Variants in SPATA16 observed in about 807,000 individuals in gnomAD.
The protein encoded by SPATA16 is spermatogenesis-associated protein 16.
In SPATA16, 36 loss-of-function variants were observed where a neutral mutation model predicts 63.3. The observed-to-expected ratio is 0.57, with a 90% CI of 0.44 to 0.75. The LOEUF (loss-of-function observed/expected upper bound fraction) is 0.75, where lower values mean the gene tolerates loss of function less well. Among genes scored for constraint, SPATA16 ranks in the 30% least tolerant of loss-of-function variants. The probability of loss-of-function intolerance (pLI) is 0.00; values close to 1 mark genes in which losing one functional copy is unlikely to be tolerated. For synonymous variants in SPATA16, 203 were observed against 216.7 expected (o/e 0.94, Z 0.56); for missense variants, 646 against 679.3 (o/e 0.95, Z 0.54).
intron 3 of SPATA16, among the ~76,000 whole-genome samples, chr3:173,036,547 A>AATGTTAC (rs1312613341): frequency 9.9e-5 from 15 of 152,096 alleles, no homozygotes; most frequent in Non-Finnish European, 1.5e-4. Context: ...AATGGCTTTT[A>AATGTTAC]ATGTTACAGA....
intron 3 of SPATA16, among the ~76,000 whole-genome samples, chr3:173,034,249 TCAAATAG>T (rs1196557200): frequency 6.6e-6 from 1 of 152,138 alleles, no homozygotes; most frequent in Non-Finnish European, 1.5e-5. Flanking sequence ...TATGCTGCCT[TCAAATAG>T]CAAATTACAC....
intron 2 of SPATA16, among the ~76,000 whole-genome samples, chr3:173,064,106 G>A (rs1315089434): frequency 6.6e-6 from 1 of 152,108 alleles, no homozygotes; most frequent in Non-Finnish European, 1.5e-5. Flanking sequence ...AGGAGTTTTA[G>A]ACCAGCTTGG....
At chr3:172,934,567 T>G (rs1732938695) in intron 6 of SPATA16, among the ~76,000 whole-genome samples, 1 of 152,196 alleles carries the variant, frequency 6.6e-6, no homozygotes, top group South Asian at 2.1e-4. Context: ...AGACTTTCTT[T>G]CTTGCTTTTT....
chr3:172,938,470 C>T (rs571646040), intron 6 of SPATA16, among the ~76,000 whole-genome samples: 3 of 152,184 alleles, frequency 2.0e-5, no homozygotes, highest in African/African-American at 7.2e-5. Flanking sequence ...CTTAATACAG[C>T]ACTATACAAG....
At chr3:172,912,109 TA>T (rs751021699) in intron 10 of SPATA16, among the ~76,000 whole-genome samples, 1 of 152,242 alleles carries the variant, frequency 6.6e-6, no homozygotes, top group Non-Finnish European at 1.5e-5. Context: ...CATGCTTTTT[TA>T]AAAAACACTT....
At chr3:172,965,439 G>A (rs892556847) in intron 5 of SPATA16, among the ~76,000 whole-genome samples, 2 of 152,122 alleles carry the variant, frequency 1.3e-5, no homozygotes, top group African/African-American at 4.8e-5. Flanking sequence ...CATCTTGGAA[G>A]CTCGTAGCTC....
chr3:172,904,058 T>C (rs1030180578), intron 10 of SPATA16, among the ~76,000 whole-genome samples: 2 of 152,220 alleles, frequency 1.3e-5, no homozygotes, highest in Non-Finnish European at 2.9e-5. Context: ...AATTAAACCC[T>C]GTCACTACAA....
chr3:172,982,928 G>T (rs898508530), intron 4 of SPATA16, among the ~76,000 whole-genome samples: 2 of 151,098 alleles, frequency 1.3e-5, no homozygotes, highest in Non-Finnish European at 2.9e-5. Context: ...ATAAGATATG[G>T]GTAAACAAAA....
intron 4 of SPATA16, among the ~76,000 whole-genome samples, chr3:173,010,067 C>T (rs1735029682): frequency 6.6e-6 from 1 of 152,130 alleles, no homozygotes; most frequent in Non-Finnish European, 1.5e-5. Flanking sequence ...TTTCGACTGC[C>T]ACGCAGGAAA....
intron 2 of SPATA16, among the ~76,000 whole-genome samples, chr3:173,080,913 A>G (rs1736907890): frequency 6.6e-6 from 1 of 152,186 alleles, no homozygotes; most frequent in Non-Finnish European, 1.5e-5. Context: ...AGAATGATAT[A>G]CAGGCTTGGA....
chr3:172,961,066 C>CA (rs1560080317), intron 5 of SPATA16, among the ~76,000 whole-genome samples: 1 of 34,802 alleles, frequency 2.9e-5, no homozygotes, highest in East Asian at 8.4e-4. Flanking sequence ...TTTCTTTCTT[C>CA]TTTCTTCCTT....
chr3:173,059,182 TTG>T (rs2108299478), intron 2 of SPATA16, among the ~76,000 whole-genome samples: 1 of 152,172 alleles, frequency 6.6e-6, no homozygotes, highest in East Asian at 1.9e-4. Flanking sequence ...GGTTTGATTA[TTG>T]TGTTTTCTCT....
At chr3:172,930,054 C>T (rs1243151820) in intron 6 of SPATA16, among the ~76,000 whole-genome samples, 1 of 152,202 alleles carries the variant, frequency 6.6e-6, no homozygotes, top group Non-Finnish European at 1.5e-5. Context: ...CCATATCAGC[C>T]TGTTTCTTTG....
chr3:173,045,459 T>C (rs1255523050), intron 3 of SPATA16, among the ~76,000 whole-genome samples: 1 of 152,194 alleles, frequency 6.6e-6, no homozygotes, highest in African/African-American at 2.4e-5. Flanking sequence ...GAAGGCAGAT[T>C]CAGTACCAAT....
intron 5 of SPATA16, among the ~76,000 whole-genome samples, chr3:172,957,592 A>C (rs1447763064): frequency 6.6e-6 from 1 of 152,218 alleles, no homozygotes; most frequent in Non-Finnish European, 1.5e-5. Context: ...ACATTGAATA[A>C]AACGTGGAAG....
At chr3:173,104,223 T>A (rs1484657658) in intron 2 of SPATA16, among the ~76,000 whole-genome samples, 3 of 152,184 alleles carry the variant, frequency 2.0e-5, no homozygotes, top group Admixed American at 2.0e-4. Context: ...AGTTCCAAAG[T>A]TTCCCTCATC....
At chr3:173,125,551 A>C (rs114719924) in intron 1 of SPATA16, among the ~76,000 whole-genome samples, 210 of 152,306 alleles carry the variant, frequency 1.4e-3, no homozygotes, top group African/African-American at 4.9e-3. Context: ...TAATTTGACA[A>C]GTTCATTCCC....
At chr3:173,101,407 A>C (rs1737491125) in intron 2 of SPATA16, among the ~76,000 whole-genome samples, 2 of 152,160 alleles carry the variant, frequency 1.3e-5, no homozygotes, top group African/African-American at 4.8e-5. Flanking sequence ...TTTCAACTTA[A>C]GCTGGTTTCT....
chr3:173,099,980 A>G (rs1195316149), intron 2 of SPATA16, among the ~76,000 whole-genome samples: 2 of 152,206 alleles, frequency 1.3e-5, no homozygotes, highest in Admixed American at 6.5e-5. Flanking sequence ...AAGTCCCCAC[A>G]TAGAAGTTGG....
Sources: gnomAD v4.1 joint callset for allele counts (sites outside exome capture counted in the v4.1 genomes callset) on GRCh38, gnomAD v4.1.1 for gene constraint, MANE v1.5 for transcripts, NCBI Gene and HGNC (gene_info 2026-07-23, HGNC 2026-07-21) for gene names.